Variants in MAP4 observed in about 807,000 individuals in gnomAD.
MAP4 encodes the protein microtubule-associated protein 4.
MAP4 carries 76 observed loss-of-function variants against 170.2 expected under a neutral mutation model. The observed-to-expected ratio is 0.45, with a 90% CI of 0.37 to 0.54. The LOEUF is 0.54. MAP4 is among the 20% of genes least tolerant of loss of function. MAP4 has a pLI of 0.00. For synonymous variants in MAP4, 909 were observed against 994.5 expected, an observed-to-expected ratio of 0.91 and a Z score of 1.62; for missense variants, 2,506 against 2,748.0, an observed-to-expected ratio of 0.91 and a Z score of 1.97.
chr3:47,966,289 C>A (rs527654842), intron 3 of MAP4, among the ~76,000 whole-genome samples: 1 of 123,708 alleles, frequency 8.1e-6, no homozygotes, highest in African/African-American at 3.0e-5. Context: ...GCTCTGTTGC[C>A]CAGGCTGAAG....
chr3:48,087,743 GCGCACACACACACACA>G (rs1398930227), intron 1 of MAP4, among the ~76,000 whole-genome samples: 16 of 68,050 alleles, frequency 2.4e-4, no homozygotes, highest in South Asian at 1.0e-3. Context: ...ACACACGCAC[GCGCACACACACACACA>G]CACACACACA....
At position 47,871,983 on chromosome 3, in the gene MAP4, C is replaced by T. The variant is rs1188594565; in HGVS notation, c.5875G>A (p.Ala1959Thr). The change falls in exon 13 of 21, where the codon GCT (alanine) becomes ACT (threonine). Residue 1959 changes from alanine (A) to threonine (T), a missense_variant. Ala to Thr is a moderately conservative substitution (Grantham distance 58). This residue lies in a region of MAP4 where 487 missense variants were observed against 511.6 expected (regional missense o/e 0.95). Transcript: ENST00000683076. Reference sequence around the variant, plus strand: ...CTTGGGCCAGTTGAGGCAACAGCAGCAGCTGTTGTGGTTTTTGCAACAGTC... The same window carrying T: ...CTTGGGCCAGTTGAGGCAACAGCAGTAGCTGTTGTGGTTTTTGCAACAGTC... ...TQTVAKTTTA[A>T]AVASTGPSSR... The T allele has an allele frequency of 6.2e-7, 1 of 1,613,984 alleles. No homozygotes were observed. Among genetic ancestry groups the T allele is most frequent in the African/African-American group, 1.3e-5 (1 of 74,928 alleles).
chr3:47,880,477 T>G (rs1038610778), intron 10 of MAP4, among the ~76,000 whole-genome samples: 2 of 147,156 alleles, frequency 1.4e-5, no homozygotes, highest in East Asian at 1.9e-4. Flanking sequence ...TTTTTTTTTT[T>G]TTTTTTTTTT....
At chr3:47,954,165 C>T (rs2154125714) in intron 3 of MAP4, among the ~76,000 whole-genome samples, 2 of 152,182 alleles carry the variant, frequency 1.3e-5, no homozygotes, top group African/African-American at 4.8e-5. Context: ...TTATAAAGGG[C>T]CACAGATAAA....
rs759701501 is a variant in MAP4, at chr3:47,877,370, G to A, written c.5541+47C>T. ...AAGCAATAACAGCAGAAGATACTCC[G>A]TTTAAAAATTATGGCAGTAGAAGAT... On this transcript the variant is annotated intron_variant, in intron 11 of 20. Transcript: ENST00000683076. 30 of 1,406,448 alleles carry A rather than the reference G, an allele frequency of 2.1e-5. No homozygotes were observed. The East Asian group carries it at 3.2e-4, about 15-fold the overall frequency. The allele number at this position is 1,406,448 out of a possible 1,614,324, so 87.1% of individuals were successfully genotyped here. A position where few individuals can be genotyped will look rare whatever the true frequency, so the allele number is the denominator to read the frequency against.
At chr3:48,053,763 A>G (rs1478664226) in intron 1 of MAP4, among the ~76,000 whole-genome samples, 1 of 152,176 alleles carries the variant, frequency 6.6e-6, no homozygotes, top group African/African-American at 2.4e-5. Context: ...GCACATTACA[A>G]CCTGATTGAT....
chr3:47,991,366 G>T (rs561345511), intron 2 of MAP4, among the ~76,000 whole-genome samples: 1 of 152,268 alleles, frequency 6.6e-6, no homozygotes, highest in African/African-American at 2.4e-5. Context: ...TAAGCCTGTT[G>T]TAAGAACATA....
In MAP4 at chr3:47,895,021, CAAA is replaced by C. The variant is rs11401319; in HGVS notation, c.5434+7926_5434+7928del. Among the ~76,000 whole-genome samples the C allele has an allele frequency of 3.5e-3, 355 of 102,788 alleles. 3 individuals carry two copies. Among genetic ancestry groups the C allele is most frequent in the African/African-American group, 9.8e-3 (318 of 32,474 alleles). The allele number at this position is 102,788 out of a possible 152,430, so 67.4% of individuals were successfully genotyped here. A position where few individuals can be genotyped will look rare whatever the true frequency, so the allele number is the denominator to read the frequency against. On this transcript the variant is annotated intron_variant, in intron 10 of 20. Coordinates refer to ENST00000683076, the MANE Select transcript of MAP4 (RefSeq NM_001385682.1). ...AGCCTGGGTGAGAGGAAACCCTGTC[CAAA>C]AAAAAAAAAAAGGGGGTGAGGAAGA...
At chr3:47,972,945 A>T (rs368729744) in intron 3 of MAP4, 3 of 837,918 alleles carry the variant, frequency 3.6e-6, no homozygotes, top group African/African-American at 1.8e-5. Flanking sequence ...ACAAAAACTT[A>T]AAAGTCCATA....
intron 9 of MAP4, among the ~76,000 whole-genome samples, chr3:47,906,759 G>A (rs191353156): frequency 1.6e-4 from 24 of 147,918 alleles, no homozygotes; most frequent in Non-Finnish European, 1.5e-5. Flanking sequence ...AAAAAAGAAT[G>A]AGTCATATCT....
chr3:48,068,007 G>A (rs1432148237), intron 1 of MAP4, among the ~76,000 whole-genome samples: 1 of 152,042 alleles, frequency 6.6e-6, no homozygotes, highest in Non-Finnish European at 1.5e-5. Context: ...GCTCATACCT[G>A]TAATCCCAGC....
At chr3:47,868,197 A>G (rs1473791044) in intron 16 of MAP4, among the ~76,000 whole-genome samples, 2 of 152,158 alleles carry the variant, frequency 1.3e-5, no homozygotes, top group African/African-American at 4.8e-5. Flanking sequence ...TGGCTCTAAG[A>G]GTCTGGAACA....
intron 1 of MAP4, among the ~76,000 whole-genome samples, chr3:48,028,677 G>A (rs922296552): frequency 6.6e-6 from 1 of 151,170 alleles, no homozygotes; most frequent in African/African-American, 2.4e-5. Context: ...GGAGGCTGAG[G>A]CAGAGAACTG....
intron 2 of MAP4, among the ~76,000 whole-genome samples, chr3:47,980,727 A>G (rs78563204): frequency 1.2e-3 from 189 of 152,334 alleles, no homozygotes; most frequent in African/African-American, 4.4e-3. Context: ...GATGCCATAA[A>G]TATGCTCCAT....
intron 3 of MAP4, among the ~76,000 whole-genome samples, chr3:47,934,173 A>T (rs1294411910): frequency 6.6e-6 from 1 of 152,202 alleles, no homozygotes; most frequent in Non-Finnish European, 1.5e-5. Context: ...ACTGGTGGTG[A>T]CCAGGCAGCA....
At chr3:47,971,097 AAAACTTTAAG>A (rs1410678147) in intron 3 of MAP4, among the ~76,000 whole-genome samples, 1 of 152,226 alleles carries the variant, frequency 6.6e-6, no homozygotes, top group Non-Finnish European at 1.5e-5. Context: ...ATGAACCAAA[AAAACTTTAAG>A]AAACATTACG....
In MAP4 at chr3:47,909,928, G is replaced by GCCTTCTA. The variant is rs1560013563; in HGVS notation, c.4492_4493insTAGAAGG (p.Ala1498ValfsTer25). On this transcript the variant is annotated frameshift_variant, in exon 9 of 21. Coordinates refer to ENST00000683076, the MANE Select transcript of MAP4 (RefSeq NM_001385682.1). LOFTEE classifies it high-confidence loss of function. The stretch of plus-strand genomic sequence containing the variant: ...TCCTGTGCTTGTAGAGGGCACAACA[G>GCCTTCTA]CAGAGGGACCCTTGGGTCTTTCTTG... 1 of 1,613,998 alleles carries GCCTTCTA rather than the reference G, an allele frequency of 6.2e-7. No individual in the cohort carries two copies. Among genetic ancestry groups the GCCTTCTA allele is most frequent in the Non-Finnish European group, 8.5e-7 (1 of 1,179,868 alleles).
chr3:47,931,427 T>G (rs1359431645), intron 3 of MAP4, among the ~76,000 whole-genome samples: 2 of 152,074 alleles, frequency 1.3e-5, no homozygotes, highest in Admixed American at 6.6e-5. Flanking sequence ...ATGTGTAAAA[T>G]GGTAGTTTGG....
At chr3:47,959,287 G>A (rs778684301) in intron 3 of MAP4, among the ~76,000 whole-genome samples, 3 of 151,834 alleles carry the variant, frequency 2.0e-5, no homozygotes, top group Non-Finnish European at 4.4e-5. Flanking sequence ...GAGAACCCCC[G>A]TCTCTACTAA....
Sources: allele counts gnomAD v4.1 joint callset (sites outside exome capture counted in the v4.1 genomes callset), GRCh38; gene constraint gnomAD v4.1.1; regional missense constraint gnomAD v4.1.1; transcripts MANE v1.5; gene names NCBI Gene and HGNC (gene_info 2026-07-23, HGNC 2026-07-21).